Variants in SEPTIN9 observed in about 807,000 individuals in gnomAD.
SEPTIN9 encodes septin 9.
In SEPTIN9, 13 loss-of-function variants were observed where a neutral mutation model predicts 56.6. The observed-to-expected ratio is 0.23, with a 90% CI of 0.15 to 0.37. SEPTIN9 has a LOEUF of 0.37. Ranked by LOEUF, SEPTIN9 falls within the 10% of genes least tolerant of loss-of-function variation. The pLI is 1.00. For missense variants in SEPTIN9, 650 were observed against 823.1 expected (o/e 0.79, Z 2.57); for synonymous variants, 332 against 334.1 (o/e 0.99, Z 0.07).
At chr17:77,358,503 C>T (rs1044504609) in intron 2 of SEPTIN9, among the ~76,000 whole-genome samples, 10 of 151,976 alleles carry the variant, frequency 6.6e-5, no homozygotes, top group Non-Finnish European at 1.2e-4. Flanking sequence ...CACCTGTAGT[C>T]CCAGCTACTC....
At chr17:77,311,541 T>C (rs960477618) in intron 2 of SEPTIN9, among the ~76,000 whole-genome samples, 5 of 152,172 alleles carry the variant, frequency 3.3e-5, no homozygotes, top group African/African-American at 1.2e-4. Flanking sequence ...CCCTTCATCC[T>C]ATGCTAGTTC....
intron 1 of SEPTIN9, chr17:77,286,390 C>T (rs1022883505): frequency 6.6e-6 from 1 of 152,484 alleles, no homozygotes; most frequent in African/African-American, 2.4e-5. Flanking sequence ...CGACAGTCCA[C>T]CTTCTTCCTG....
chr17:77,468,379 G>A (rs1056324937), intron 3 of SEPTIN9, among the ~76,000 whole-genome samples: 2 of 152,214 alleles, frequency 1.3e-5, no homozygotes, highest in African/African-American at 4.8e-5. Flanking sequence ...GATGGTCCCG[G>A]CAGGGAGGAC....
rs904027659 is a variant in SEPTIN9, at chr17:77,327,582, G to A, written c.76+20385G>A. Among the ~76,000 whole-genome samples, 2 of 152,152 alleles carry A rather than the reference G, an allele frequency of 1.3e-5. No individual in the cohort carries two copies. Among genetic ancestry groups the A allele is most frequent in the East Asian group, 1.9e-4 (1 of 5,176 alleles). On this transcript the variant is annotated intron_variant, in intron 2 of 11. Coordinates refer to ENST00000427177, the MANE Select transcript of SEPTIN9 (RefSeq NM_001113491.2). This position sits in a 1 kb window ranked among gnomAD's most constrained non-coding sequence, Gnocchi z 5.0. The stretch of plus-strand genomic sequence containing the variant: ...TGGGTATGGGAGGGGATCGTGGGTG[G>A]GGAGATTCCTCTTAACCAGCGGCCC...
At chr17:77,320,251 G>A in intron 2 of SEPTIN9, 3 of 1,611,574 alleles carry the variant, frequency 1.9e-6, no homozygotes, top group Non-Finnish European at 2.5e-6. Flanking sequence ...GAGGGAGGGC[G>A]ACGGGGGTGA....
rs1018462817 is a variant in SEPTIN9 at position 77,487,027 on chromosome 17, C to T, written c.914-397C>T. On this transcript the variant is annotated intron_variant, in intron 4 of 11. Transcript: ENST00000427177. The surrounding 1 kb of genome is among the most constrained non-coding windows in gnomAD (Gnocchi z 4.3). ...CCACCCTGGTGAACTGCAGGAATCCCGGCCACCTGGTGCACCCTGGGCAGC... is the reference window on the plus strand; with the variant it reads ...CCACCCTGGTGAACTGCAGGAATCCTGGCCACCTGGTGCACCCTGGGCAGC... 1.3e-5 allele frequency among the ~76,000 whole-genome samples: 2 copies of T among 152,210 alleles called. No individual in the cohort carries two copies. The highest frequency in any genetic ancestry group is 2.9e-5 in the Non-Finnish European group (2 of 68,032).
At chr17:77,353,283 A>T (rs921667644) in intron 2 of SEPTIN9, among the ~76,000 whole-genome samples, 1 of 152,190 alleles carries the variant, frequency 6.6e-6, no homozygotes, top group Admixed American at 6.5e-5. Context: ...GGCTACAGCC[A>T]CTGTCTCCAA....
rs936244402 is a variant in SEPTIN9, at chr17:77,313,214, G to C, written c.76+6017G>C. Among the ~76,000 whole-genome samples, 2 of 152,230 alleles carry C rather than the reference G, an allele frequency of 1.3e-5. No individual in the cohort carries two copies. Among genetic ancestry groups the C allele is most frequent in the Non-Finnish European group, 2.9e-5 (2 of 68,036 alleles). On this transcript the variant is annotated intron_variant, in intron 2 of 11. Coordinates refer to ENST00000427177, the MANE Select transcript of SEPTIN9 (RefSeq NM_001113491.2). The surrounding 1 kb of genome is among the most constrained non-coding windows in gnomAD (Gnocchi z 4.5). ...CCTCCCTCGCTCTGCAGGGGCAGTC[G>C]GGGGCCCCCTCTAGGAATGGAGCGC...
chr17:77,492,831 A>G lies in SEPTIN9; in HGVS notation c.1476+115A>G. ...AATTATATTCTTGGGGCCAGAGGGCACTGAGCCCAGGTGTCTGTACCCAGT... is the reference window on the plus strand; with the variant it reads ...AATTATATTCTTGGGGCCAGAGGGCGCTGAGCCCAGGTGTCTGTACCCAGT... On this transcript the variant is annotated intron_variant, in intron 9 of 11. Coordinates refer to ENST00000427177, the MANE Select transcript of SEPTIN9 (RefSeq NM_001113491.2). The surrounding 1 kb of genome is among the most constrained non-coding windows in gnomAD (Gnocchi z 5.4). 1 of 1,235,878 alleles carries G rather than the reference A, an allele frequency of 8.1e-7. No homozygotes were observed. The highest frequency in any genetic ancestry group is 1.2e-6 in the Non-Finnish European group (1 of 840,174). The allele number at this position is 1,235,878 out of a possible 1,614,324, so 76.6% of individuals were successfully genotyped here.
At chr17:77,439,209 G>A (rs2037458444) in intron 3 of SEPTIN9, among the ~76,000 whole-genome samples, 2 of 152,184 alleles carry the variant, frequency 1.3e-5, no homozygotes, top group South Asian at 4.1e-4. Flanking sequence ...CTCCCTGGTT[G>A]GGGAGGAGGG....
In SEPTIN9 at chr17:77,429,195, G is replaced by A. The variant is rs907139347; in HGVS notation, c.721+26492G>A. The A allele has an allele frequency of 1.3e-5, 6 of 471,860 alleles. No homozygotes were observed. The highest frequency in any genetic ancestry group is 2.6e-5 in the Non-Finnish European group (6 of 227,474). 29.2% of individuals were successfully genotyped at this position (471,860 alleles called of 1,614,324 possible). ...CAAGACCAAGGCTGAGGCCGAGGCT[G>A]AGGCTGAGGCCACCTTGGTGAGGAG... is the stretch of plus-strand genomic sequence containing the variant. On this transcript the variant is annotated intron_variant, in intron 3 of 11. Transcript: ENST00000427177. This position sits in a 1 kb window ranked among gnomAD's most constrained non-coding sequence, Gnocchi z 5.2.
At chr17:77,422,411 C>T (rs1332083095) in intron 3 of SEPTIN9, among the ~76,000 whole-genome samples, 1 of 152,184 alleles carries the variant, frequency 6.6e-6, no homozygotes, top group East Asian at 1.9e-4. Context: ...AGCCCATTGG[C>T]GTGGCCAGCG....
chr17:77,298,636 T>A (rs2031914594), intron 1 of SEPTIN9, among the ~76,000 whole-genome samples: 1 of 152,154 alleles, frequency 6.6e-6, no homozygotes, highest in African/African-American at 2.4e-5. Context: ...CCTGGGTGTG[T>A]GAATGGGGCT....
In SEPTIN9 at chr17:77,405,062, G is replaced by A. The variant is rs929515444; in HGVS notation, c.721+2359G>A. On this transcript the variant is annotated intron_variant, in intron 3 of 11. Coordinates refer to ENST00000427177, the MANE Select transcript of SEPTIN9 (RefSeq NM_001113491.2). The surrounding 1 kb of genome is among the most constrained non-coding windows in gnomAD (Gnocchi z 5.8). ...TCAAACAGGATGTGGCTGGGGAGGCGGTTGTCACCGAGCCATCTAAATCTC... is the reference window on the plus strand; with the variant it reads ...TCAAACAGGATGTGGCTGGGGAGGCAGTTGTCACCGAGCCATCTAAATCTC... 2.0e-5 allele frequency: 30 copies of A among 1,534,042 alleles called. No homozygotes were observed. The highest frequency in any genetic ancestry group is 2.0e-5 in the Non-Finnish European group (23 of 1,146,062).
intron 1 of SEPTIN9, among the ~76,000 whole-genome samples, chr17:77,292,745 C>T (rs770210675): frequency 4.6e-4 from 70 of 152,164 alleles, no homozygotes; most frequent in African/African-American, 1.5e-3. Flanking sequence ...AGGCTCGCGT[C>T]GGCCTCCCAA....
intron 1 of SEPTIN9, among the ~76,000 whole-genome samples, chr17:77,297,808 G>C (rs918040545): frequency 6.6e-6 from 1 of 152,218 alleles, no homozygotes; most frequent in African/African-American, 2.4e-5. Context: ...ATCAAAATAG[G>C]ACTAAGAGCT....
intron 3 of SEPTIN9, among the ~76,000 whole-genome samples, chr17:77,417,067 A>G (rs1222408526): frequency 2.0e-5 from 3 of 152,022 alleles, no homozygotes; most frequent in Non-Finnish European, 2.9e-5. Context: ...TTTTGGCCCT[A>G]CCCCTCCTAA....
At chr17:77,373,878 C>T (rs1051714476) in intron 2 of SEPTIN9, 6 of 313,898 alleles carry the variant, frequency 1.9e-5, no homozygotes, top group Non-Finnish European at 3.5e-5. Context: ...TCCTCGAGGG[C>T]TCGCGAGGCT....
rs2039162381 is a variant in SEPTIN9 at position 77,475,287 on chromosome 17, T to C, written c.722-6857T>C. The C allele has an allele frequency of 7.1e-7, 1 of 1,412,726 alleles. No individual in the cohort carries two copies. The highest frequency in any genetic ancestry group is 9.2e-7 in the Non-Finnish European group (1 of 1,087,446). 87.5% of individuals were successfully genotyped at this position (1,412,726 alleles called of 1,614,324 possible). A position where few individuals can be genotyped will look rare whatever the true frequency, so the allele number is the denominator to read the frequency against. Reference sequence around the variant, plus strand: ...CTGTCTGGACGCAGAGAGCAGGCTCTGTGTGGGAGCGGGGAGGGCAAGCCC... The same window carrying C: ...CTGTCTGGACGCAGAGAGCAGGCTCCGTGTGGGAGCGGGGAGGGCAAGCCC... On this transcript the variant is annotated intron_variant, in intron 3 of 11. Coordinates refer to ENST00000427177, the MANE Select transcript of SEPTIN9 (RefSeq NM_001113491.2). The surrounding 1 kb of genome is among the most constrained non-coding windows in gnomAD (Gnocchi z 4.6).
Sources: gnomAD v4.1 joint callset for allele counts (sites outside exome capture counted in the v4.1 genomes callset) on GRCh38, gnomAD v4.1.1 for gene constraint, Gnocchi (gnomAD v3.1) non-coding constraint, MANE v1.5 for transcripts, NCBI Gene and HGNC (gene_info 2026-07-23, HGNC 2026-07-21) for gene names.